Variants in SLC1A1 observed in about 807,000 individuals in gnomAD.
The protein encoded by SLC1A1 is excitatory amino acid transporter 3.
Under a neutral mutation model 53.3 loss-of-function variants are expected in SLC1A1, and 43 were observed. The ratio of observed to expected loss-of-function variants is 0.81; its 90% CI spans 0.63 to 1.04. SLC1A1 has a LOEUF of 1.04. SLC1A1 is among the 50% of genes least tolerant of loss of function. SLC1A1 has a pLI of 0.00. For synonymous variants in SLC1A1, 307 were observed against 243.2 expected (o/e 1.26, Z -2.44); for missense variants, 748 against 664.9 (o/e 1.12, Z -1.37).
intron 1 of SLC1A1, among the ~76,000 whole-genome samples, chr9:4,507,061 C>T (rs1157035970): frequency 6.6e-6 from 1 of 152,080 alleles, no homozygotes; most frequent in Non-Finnish European, 1.5e-5. Flanking sequence ...GAAACCCCCT[C>T]TCTATTAAAA....
At chr9:4,544,150 T>A (rs571134725) in intron 1 of SLC1A1, among the ~76,000 whole-genome samples, 1 of 152,324 alleles carries the variant, frequency 6.6e-6, no homozygotes, top group South Asian at 2.1e-4. Context: ...TACTCTAGGC[T>A]GGGTGACAGA....
chr9:4,566,205 A>C, intron 5 of SLC1A1, 116 bp downstream of exon 5: 2 of 947,294 alleles, frequency 2.1e-6, no homozygotes, highest in South Asian at 1.3e-5. Flanking sequence ...TGGCAGCAGG[A>C]AGTAAACCTG....
chr9:4,524,921 A>T (rs1235065701), intron 1 of SLC1A1, among the ~76,000 whole-genome samples: 1 of 152,114 alleles, frequency 6.6e-6, no homozygotes, highest in Non-Finnish European at 1.5e-5. Flanking sequence ...TTCATGAGGG[A>T]TCCAGCTCAT....
chr9:4,566,074 G>A lies in SLC1A1; in HGVS notation c.468G>A (p.Gln156=). 1.2e-6 allele frequency: 2 copies of A among 1,613,440 alleles called. No individual in the cohort carries two copies. The highest frequency in any genetic ancestry group is 1.7e-6 in the Non-Finnish European group (2 of 1,179,500). Reference sequence around the variant, plus strand: ...ATATGTTCCCTGAGAATCTTGTCCAGGCCTGTTTTCAGCAGGTAATATTAA... The same window carrying A: ...ATATGTTCCCTGAGAATCTTGTCCAAGCCTGTTTTCAGCAGGTAATATTAA... ...IRNMFPENLV[Q]ACFQQYKTKR... The change falls in exon 5 of 12, where the codon CAG becomes CAA. Residue 156 remains glutamine (Q), a synonymous_variant. Transcript: ENST00000262352.
In SLC1A1 at chr9:4,569,092, C is replaced by G. The variant is rs1819780656; in HGVS notation, c.582+1325C>G. On this transcript the variant is annotated intron_variant, in intron 6 of 11. Transcript: ENST00000262352. Reference sequence around the variant, plus strand: ...GACCACAAAGAGCAAAAAAAGAGCCCTGTTGCCTCTACCTCTCTGGGTCTG... The same window carrying G: ...GACCACAAAGAGCAAAAAAAGAGCCGTGTTGCCTCTACCTCTCTGGGTCTG... 2.0e-5 allele frequency among the ~76,000 whole-genome samples: 3 copies of G among 152,124 alleles called. No homozygotes were observed. In the South Asian group the frequency reaches 6.2e-4, roughly 32 times the overall value.
At chr9:4,513,939 A>G (rs1012765265) in intron 1 of SLC1A1, among the ~76,000 whole-genome samples, 10 of 152,202 alleles carry the variant, frequency 6.6e-5, no homozygotes, top group African/African-American at 1.4e-4. Flanking sequence ...AACCAGTCTC[A>G]CAACTTACAT....
chr9:4,572,766 C>A lies in SLC1A1; in HGVS notation c.767+378C>A, dbSNP rs749504428. 2.0e-5 allele frequency among the ~76,000 whole-genome samples: 3 copies of A among 152,140 alleles called. No homozygotes were observed. The East Asian group carries it at 5.8e-4, about 29-fold the overall frequency. ...GTTTTGCCATGTTGCCCAGGCTGATCTCAAACTCCTAGGCTCAAGCAATCT... is the reference window on the plus strand; with the variant it reads ...GTTTTGCCATGTTGCCCAGGCTGATATCAAACTCCTAGGCTCAAGCAATCT... On this transcript the variant is annotated intron_variant, in intron 7 of 11. Transcript: ENST00000262352.
rs777359261 is a variant in SLC1A1 at position 4,490,693 on chromosome 9, CGAGGAAA to C, written c.16_22del (p.Arg6AspfsTer8). The C allele has an allele frequency of 1.2e-6, 2 of 1,612,696 alleles. No homozygotes were observed. Among genetic ancestry groups the C allele is most frequent in the South Asian group, 2.2e-5 (2 of 91,050 alleles). ...GCGGCGACAGCCATGGGGAAACCGG[CGAGGAAA>C]GGATGCGAGTGGAAGCGCTTCCTGA... is the stretch of plus-strand genomic sequence containing the variant. On this transcript the variant is annotated frameshift_variant, in exon 1 of 12. Transcript: ENST00000262352. LOFTEE classifies it high-confidence loss of function.
At chr9:4,495,058 T>G (rs1320691542) in intron 1 of SLC1A1, among the ~76,000 whole-genome samples, 1 of 152,168 alleles carries the variant, frequency 6.6e-6, no homozygotes, top group Non-Finnish European at 1.5e-5. Flanking sequence ...CAGAAACAGC[T>G]CCTTCATGGT....
At chr9:4,578,514 G>A (rs773646733) in intron 10 of SLC1A1, among the ~76,000 whole-genome samples, 14 of 152,122 alleles carry the variant, frequency 9.2e-5, no homozygotes, top group Non-Finnish European at 1.6e-4. Flanking sequence ...GGTAGAGAAG[G>A]GAAAACCCAA....
At chr9:4,498,121 T>C (rs1820502461) in intron 1 of SLC1A1, among the ~76,000 whole-genome samples, 1 of 152,166 alleles carries the variant, frequency 6.6e-6, no homozygotes, top group African/African-American at 2.4e-5. Context: ...GCTTTATGAC[T>C]GTATATTCAT....
chr9:4,550,928 G>C (rs1281297469), intron 2 of SLC1A1, among the ~76,000 whole-genome samples: 4 of 152,156 alleles, frequency 2.6e-5, no homozygotes, highest in African/African-American at 4.8e-5. Context: ...GTAAATGATT[G>C]AGGGTGACTG....
At chr9:4,561,353 T>G in intron 2 of SLC1A1, 96 bp from the exon 3 acceptor site, 1 of 810,952 alleles carries the variant, frequency 1.2e-6, no homozygotes, top group Non-Finnish European at 2.2e-6. Context: ...TGAGAACGCC[T>G]CTCAGCTCTT....
intron 1 of SLC1A1, among the ~76,000 whole-genome samples, chr9:4,516,442 T>A (rs1300754171): frequency 6.6e-6 from 1 of 152,220 alleles, no homozygotes. Context: ...TGATTCATAC[T>A]CCCTTTTACC....
In SLC1A1 at chr9:4,544,632, G is replaced by C; in HGVS notation, c.157G>C (p.Ala53Pro). 6.2e-7 allele frequency: 1 copy of C among 1,613,388 alleles called. No homozygotes were observed. The highest frequency in any genetic ancestry group is 8.5e-7 in the Non-Finnish European group (1 of 1,179,398). Residue 53 changes from alanine (A) to proline (P), a missense_variant, in exon 2 of 12, where the codon GCT (alanine) becomes CCT (proline). Physicochemically the swap from Ala to Pro is conservative, Grantham distance 27. Coordinates refer to ENST00000262352, the MANE Select transcript of SLC1A1 (RefSeq NM_004170.6). The part of the protein sequence containing the change: ...NLSTLEKFYF[A>P]FPGEILMRML... ...CTCAACTCTAGAGAAATTCTACTTT[G>C]CTTTTCCTGGAGAAATTCTAATGCG... is the stretch of plus-strand genomic sequence containing the variant.
intron 1 of SLC1A1, among the ~76,000 whole-genome samples, chr9:4,532,837 G>T (rs10974600): frequency 0.28 from 42,445 of 151,996 alleles, 7,042 homozygotes; most frequent in Admixed American, 0.39. Flanking sequence ...CCCACAAAGG[G>T]AAGCCCATCA....
rs184197825 is a variant in SLC1A1 at position 4,581,117 on chromosome 9, A to G, written c.1194-1921A>G. ...GCAAGGAATTGAGATTCAGAGAAGTAACTTGCCTGAAGAAATGCCATCAGT... is the reference window on the plus strand; with the variant it reads ...GCAAGGAATTGAGATTCAGAGAAGTGACTTGCCTGAAGAAATGCCATCAGT... On this transcript the variant is annotated intron_variant, in intron 10 of 11. Transcript: ENST00000262352. Among the ~76,000 whole-genome samples, 295 of 152,322 alleles carry G rather than the reference A, an allele frequency of 1.9e-3. 1 individual carries two copies. The highest frequency in any genetic ancestry group is 6.9e-3 in the African/African-American group (286 of 41,572).
chr9:4,557,676 G>T (rs970467884), intron 2 of SLC1A1, among the ~76,000 whole-genome samples: 1 of 152,072 alleles, frequency 6.6e-6, no homozygotes, highest in African/African-American at 2.4e-5. Flanking sequence ...CAGTTTGTCA[G>T]TCACACTAGC....
intron 7 of SLC1A1, among the ~76,000 whole-genome samples, chr9:4,573,554 T>G (rs1435472076): frequency 1.3e-5 from 2 of 152,080 alleles, no homozygotes; most frequent in Non-Finnish European, 2.9e-5. Context: ...TATTTGGCAG[T>G]GAGGGTCAAG....
Sources: gnomAD v4.1 joint callset for allele counts (sites outside exome capture counted in the v4.1 genomes callset) on GRCh38, gnomAD v4.1.1 for gene constraint, MANE v1.5 for transcripts, NCBI Gene and HGNC (gene_info 2026-07-23, HGNC 2026-07-21) for gene names.